Variants in PMM2 observed in about 807,000 individuals in gnomAD.
PMM2 encodes phosphomannomutase 2.
A neutral mutation model predicts 33.2 loss-of-function variants in PMM2; 35 were observed. The observed-to-expected ratio is 1.06, with a 90% CI of 0.81 to 1.40. The LOEUF (loss-of-function observed/expected upper bound fraction) is 1.40, where lower values mean the gene tolerates loss of function less well. PMM2 is among the 40% of genes most tolerant of loss of function. The pLI is 0.00. For synonymous variants in PMM2, 153 were observed against 114.7 expected (o/e 1.33, Z -2.13); for missense variants, 386 against 306.0 (o/e 1.26, Z -1.95).
intron 7 of PMM2, among the ~76,000 whole-genome samples, chr16:8,844,309 AAG>A (rs937263709): frequency 3.9e-5 from 6 of 152,090 alleles, no homozygotes; most frequent in African/African-American, 1.4e-4. Context: ...GCCCAGAGAA[AAG>A]AGAGCGTAGA....
In PMM2 at chr16:8,838,122, C is replaced by T. The variant is rs191392260; in HGVS notation, c.640-9602C>T. On this transcript the variant is annotated intron_variant, in intron 7 of 7. Transcript: ENST00000268261. ...TAGTTCTTATGGGTTTTGGGATAGG[C>T]GGTGAAGTTAAGAGCAATGTTTTGT... is the stretch of plus-strand genomic sequence containing the variant. Among the ~76,000 whole-genome samples the T allele has an allele frequency of 7.2e-4, 109 of 152,020 alleles. 1 individual carries two copies. The highest frequency in any genetic ancestry group is 3.7e-3 in the South Asian group (18 of 4,816).
chr16:8,823,973 C>T (rs548003484), intron 7 of PMM2, among the ~76,000 whole-genome samples: 1 of 152,290 alleles, frequency 6.6e-6, no homozygotes, highest in Non-Finnish European at 1.5e-5. Flanking sequence ...CTAATTGTAT[C>T]CTATTACAAA....
chr16:8,814,067 A>G (rs571917801), intron 7 of PMM2, among the ~76,000 whole-genome samples: 23 of 151,998 alleles, frequency 1.5e-4, no homozygotes, highest in African/African-American at 5.1e-4. Flanking sequence ...GGGTTTTACC[A>G]TGTTAACCAG....
chr16:8,836,466 A>G (rs768754379), intron 7 of PMM2, among the ~76,000 whole-genome samples: 104 of 152,094 alleles, frequency 6.8e-4, no homozygotes, highest in African/African-American at 2.3e-3. Context: ...CCAGATTTCC[A>G]GCACGTGTAG....
chr16:8,839,271 CAT>C (rs970295097), intron 7 of PMM2, among the ~76,000 whole-genome samples: 46 of 151,914 alleles, frequency 3.0e-4, no homozygotes, highest in African/African-American at 1.0e-3. Flanking sequence ...CAGGTAGACA[CAT>C]GTTAGGTAAA....
At chr16:8,804,039 T>TGTTTTG (rs1555449117) in intron 2 of PMM2, among the ~76,000 whole-genome samples, 4 of 132,802 alleles carry the variant, frequency 3.0e-5, no homozygotes, top group East Asian at 2.2e-4. Flanking sequence ...TTGTTTTTTT[T>TGTTTTG]TTTTTTTTTT....
At position 8,806,377 on chromosome 16, in the gene PMM2, A is replaced by T. The variant is rs387906824; in HGVS notation, c.317A>T (p.Tyr106Phe). The T allele has an allele frequency of 6.2e-7, 1 of 1,613,360 alleles. No individual in the cohort carries two copies. The highest frequency in any genetic ancestry group is 1.1e-5 in the South Asian group (1 of 91,074). ...GATTTAATCAACTACTGTCTGAGCTACATTGCGAAAATTAAACTCCCGAAG... is the reference window on the plus strand; with the variant it reads ...GATTTAATCAACTACTGTCTGAGCTTCATTGCGAAAATTAAACTCCCGAAG... ...IQDLINYCLS[Y>F]IAKIKLPKKR... Residue 106 changes from tyrosine to phenylalanine, a missense_variant, in exon 4 of 8, where the codon TAC becomes TTC. Transcript: ENST00000268261.
In PMM2 at chr16:8,804,694, A is replaced by G. The variant is rs566158109; in HGVS notation, c.179-73A>G. 1.5e-5 allele frequency: 15 copies of G among 971,504 alleles called. No individual in the cohort carries two copies. In the South Asian group the frequency reaches 1.8e-4, roughly 12 times the overall value. The allele number at this position is 971,504 out of a possible 1,614,324, so 60.2% of individuals were successfully genotyped here. On this transcript the variant is annotated intron_variant, in intron 2 of 7. Coordinates refer to ENST00000268261, the MANE Select transcript of PMM2 (RefSeq NM_000303.3). ...GAGTTTAGCGGTTTTATTGGTGGTC[A>G]TTGTTAATCAAGGAGTAAAAACACA... is the stretch of plus-strand genomic sequence containing the variant.
At chr16:8,815,478 G>T (rs1054307031) in intron 7 of PMM2, among the ~76,000 whole-genome samples, 13 of 152,298 alleles carry the variant, frequency 8.5e-5, no homozygotes, top group Admixed American at 3.9e-4. Context: ...AGATTCACCT[G>T]CCTTGGCCTC....
intron 6 of PMM2, 54 bp from the exon 7 acceptor site, chr16:8,812,937 T>G: frequency 1.0e-6 from 1 of 977,016 alleles, no homozygotes; most frequent in Non-Finnish European, 1.7e-6. Context: ...CAGTGACATA[T>G]CATTAGCCCC....
At chr16:8,807,098 G>A (rs961977052) in intron 4 of PMM2, 4 of 152,260 alleles carry the variant, frequency 2.6e-5, no homozygotes, top group Non-Finnish European at 5.9e-5. Context: ...CCAGGTTCAA[G>A]CAATTCTTCT....
chr16:8,843,385 A>C (rs982612552), intron 7 of PMM2, among the ~76,000 whole-genome samples: 1 of 152,120 alleles, frequency 6.6e-6, no homozygotes, highest in African/African-American at 2.4e-5. Flanking sequence ...TCAGTCAGAG[A>C]GCCTTGGGCC....
chr16:8,807,222 A>G (rs1185607041), intron 4 of PMM2, among the ~76,000 whole-genome samples: 1 of 147,272 alleles, frequency 6.8e-6, no homozygotes, highest in Non-Finnish European at 1.5e-5. Flanking sequence ...GGCCAGGCTG[A>G]TATCGAACTC....
intron 7 of PMM2, among the ~76,000 whole-genome samples, chr16:8,818,184 G>C (rs760751755): frequency 6.6e-6 from 1 of 151,228 alleles, no homozygotes; most frequent in Non-Finnish European, 1.5e-5. Flanking sequence ...TTACAGGCGT[G>C]AGCCACTGCG....
At chr16:8,828,356 A>C (rs2060790600) in intron 7 of PMM2, among the ~76,000 whole-genome samples, 1 of 152,180 alleles carries the variant, frequency 6.6e-6, no homozygotes, top group Non-Finnish European at 1.5e-5. Context: ...ACTTACATAA[A>C]TAACAAACCA....
Position 8,847,906 on chromosome 16 carries a change from C to T in PMM2, c.*81C>T, listed in dbSNP as rs886052458. On this transcript the variant is annotated 3_prime_UTR_variant, in exon 8 of 8. Transcript: ENST00000268261. ...GGCCAGAGCCGAGGGTCCTCCCACA[C>T]GTGCTCACCCACCCGCAGCCTAGGC... The T allele has an allele frequency of 7.7e-6, 8 of 1,041,616 alleles. No homozygotes were observed. The highest frequency in any genetic ancestry group is 5.4e-5 in the Admixed American group (3 of 55,306). 64.5% of individuals were successfully genotyped at this position (1,041,616 alleles called of 1,614,324 possible).
intron 7 of PMM2, among the ~76,000 whole-genome samples, chr16:8,816,050 A>T (rs1343540151): frequency 6.6e-6 from 1 of 152,230 alleles, no homozygotes; most frequent in Non-Finnish European, 1.5e-5. Context: ...ATATAAAAAA[A>T]GGCTCAACAT....
intron 2 of PMM2, 140 bp downstream of exon 2, chr16:8,802,050 G>C: frequency 1.5e-6 from 1 of 671,670 alleles, no homozygotes; most frequent in Non-Finnish European, 2.7e-6. Context: ...ACATTTTCTT[G>C]GCCTTTGCTT....
At chr16:8,822,662 AC>A (rs2060744624) in intron 7 of PMM2, among the ~76,000 whole-genome samples, 1 of 152,118 alleles carries the variant, frequency 6.6e-6, no homozygotes, top group South Asian at 2.1e-4. Flanking sequence ...TATTCCTAAT[AC>A]TTCATACTGT....
Sources: allele counts gnomAD v4.1 joint callset (sites outside exome capture counted in the v4.1 genomes callset), GRCh38; gene constraint gnomAD v4.1.1; transcripts MANE v1.5; gene names NCBI Gene and HGNC (gene_info 2026-07-23, HGNC 2026-07-21).